Variants in TASP1 observed in about 807,000 individuals in gnomAD.
TASP1 encodes threonine aspartase 1.
TASP1 carries 16 observed loss-of-function variants against 56.6 expected under a neutral mutation model. That is an observed-to-expected ratio of 0.28 (90% CI 0.19 to 0.43). The LOEUF is 0.43. Among genes scored for constraint, TASP1 ranks in the 20% least tolerant of loss-of-function variants. The probability of loss-of-function intolerance (pLI) is 1.00; values close to 1 mark genes in which losing one functional copy is unlikely to be tolerated. For synonymous variants in TASP1, 179 were observed against 184.2 expected, an observed-to-expected ratio of 0.97 and a Z score of 0.23; for missense variants, 393 against 511.6, an observed-to-expected ratio of 0.77 and a Z score of 2.24.
the TASP1 span, among the ~76,000 whole-genome samples, chr20:13,172,396 A>T: frequency 2.0e-5 from 3 of 152,226 alleles, no homozygotes; most frequent in Non-Finnish European, 4.4e-5. Flanking sequence ...TTAACAGTGT[A>T]TAAGTTATCC....
At chr20:13,106,785 T>C in the TASP1 span, among the ~76,000 whole-genome samples, 1 of 152,188 alleles carries the variant, frequency 6.6e-6, no homozygotes, top group Non-Finnish European at 1.5e-5. Context: ...TTTCTTTTCC[T>C]GTCACTAGCA....
chr20:13,270,526 A>G, the TASP1 span: 1 of 1,613,518 alleles, frequency 6.2e-7, no homozygotes, highest in Non-Finnish European at 8.5e-7. Context: ...GTGGGAAGTG[A>G]CACCACATCA....
chr20:13,354,027 G>A, the TASP1 span, among the ~76,000 whole-genome samples: 1 of 152,150 alleles, frequency 6.6e-6, no homozygotes, highest in Middle Eastern at 3.4e-3. Context: ...TATGAGACAA[G>A]AACAAAGTAC....
At chr20:13,451,025 T>C (rs1384822195) in intron 11 of TASP1, among the ~76,000 whole-genome samples, 1 of 152,108 alleles carries the variant, frequency 6.6e-6, no homozygotes, top group Non-Finnish European at 1.5e-5. Flanking sequence ...ATTAATCTCC[T>C]TGTACATCTC....
chr20:13,521,333 A>G (rs2044745184), intron 10 of TASP1, among the ~76,000 whole-genome samples: 1 of 152,218 alleles, frequency 6.6e-6, no homozygotes, highest in Non-Finnish European at 1.5e-5. Flanking sequence ...ACGTATGTTT[A>G]CTGTGGCACT....
At chr20:13,152,378 A>C in the TASP1 span, among the ~76,000 whole-genome samples, 3 of 152,120 alleles carry the variant, frequency 2.0e-5, no homozygotes, top group Non-Finnish European at 4.4e-5. Flanking sequence ...CACCTGAATT[A>C]CTCATGACAC....
intron 11 of TASP1, among the ~76,000 whole-genome samples, chr20:13,459,089 C>T (rs1341022507): frequency 6.6e-6 from 1 of 152,104 alleles, no homozygotes; most frequent in African/African-American, 2.4e-5. Context: ...AGATTTATGC[C>T]CCTGGCTGAT....
chr20:13,139,059 C>T, the TASP1 span, among the ~76,000 whole-genome samples: 4 of 152,116 alleles, frequency 2.6e-5, no homozygotes, highest in East Asian at 3.8e-4. Flanking sequence ...AGGAGGGTAG[C>T]GTGATTCTTA....
At chr20:13,118,975 C>T in the TASP1 span, among the ~76,000 whole-genome samples, 1 of 152,204 alleles carries the variant, frequency 6.6e-6, no homozygotes, top group Non-Finnish European at 1.5e-5. Context: ...TTTTTCATCC[C>T]CTCTTCACTG....
intron 10 of TASP1, among the ~76,000 whole-genome samples, chr20:13,516,867 T>C (rs6042193): frequency 0.016 from 2,498 of 152,190 alleles, 70 homozygotes; most frequent in African/African-American, 0.055. Flanking sequence ...CTTACCTTCC[T>C]TCCATGATGT....
At chr20:13,148,455 G>C in the TASP1 span, among the ~76,000 whole-genome samples, 1 of 152,184 alleles carries the variant, frequency 6.6e-6, no homozygotes, top group Non-Finnish European at 1.5e-5. Context: ...CTTAAGATGA[G>C]TGAAAGCTTC....
chr20:13,393,440 T>A, intron 13 of TASP1: 1 of 777,226 alleles, frequency 1.3e-6, no homozygotes, highest in South Asian at 1.4e-5. Flanking sequence ...CCAAATATGA[T>A]GATATCAAGA....
chr20:13,229,513 T>C, the TASP1 span, among the ~76,000 whole-genome samples: 1 of 152,242 alleles, frequency 6.6e-6, no homozygotes, highest in African/African-American at 2.4e-5. Context: ...TTCTCTCTTT[T>C]ATTGCTAAAT....
At chr20:13,381,734 C>G in the TASP1 span, among the ~76,000 whole-genome samples, 1 of 152,168 alleles carries the variant, frequency 6.6e-6, no homozygotes, top group Non-Finnish European at 1.5e-5. Flanking sequence ...GTGCTCTTTT[C>G]TTATAGTCTG....
intron 2 of TASP1, among the ~76,000 whole-genome samples, chr20:13,628,662 A>G (rs2147575322): frequency 6.6e-6 from 1 of 152,296 alleles, no homozygotes; most frequent in East Asian, 1.9e-4. Flanking sequence ...TCCTCATTCC[A>G]TATCAAAGTT....
At chr20:13,540,378 A>G (rs566853569) in intron 8 of TASP1, among the ~76,000 whole-genome samples, 4 of 152,226 alleles carry the variant, frequency 2.6e-5, no homozygotes, top group Non-Finnish European at 5.9e-5. Flanking sequence ...TGACCCAACA[A>G]TGAAATTCTT....
chr20:13,212,910 C>T, the TASP1 span, among the ~76,000 whole-genome samples: 1 of 152,262 alleles, frequency 6.6e-6, no homozygotes, highest in East Asian at 1.9e-4. Flanking sequence ...ACAAATGAGG[C>T]ACTACACCCT....
At chr20:13,494,599 A>T (rs1170751070) in intron 10 of TASP1, among the ~76,000 whole-genome samples, 1 of 152,134 alleles carries the variant, frequency 6.6e-6, no homozygotes, top group East Asian at 1.9e-4. Flanking sequence ...GACAAACAAG[A>T]AAAGTGATTT....
At chr20:13,272,821 A>G in the TASP1 span, among the ~76,000 whole-genome samples, 3 of 152,230 alleles carry the variant, frequency 2.0e-5, no homozygotes, top group African/African-American at 7.2e-5. Context: ...CTTGTTTCCT[A>G]TCATGGCTCA....
Sources: allele counts gnomAD v4.1 joint callset (sites outside exome capture counted in the v4.1 genomes callset), GRCh38; gene constraint gnomAD v4.1.1; transcripts MANE v1.5; gene names NCBI Gene and HGNC (gene_info 2026-07-23, HGNC 2026-07-21).